Variants in GALNTL6 observed in about 807,000 individuals in gnomAD.
The protein encoded by GALNTL6 is polypeptide N-acetylgalactosaminyltransferase-like 6.
A neutral mutation model predicts 73.7 loss-of-function variants in GALNTL6; 46 were observed. The ratio of observed to expected loss-of-function variants is 0.62; its 90% CI spans 0.49 to 0.80. The LOEUF (loss-of-function observed/expected upper bound fraction) is 0.80. Among genes scored for constraint, GALNTL6 ranks in the 30% least tolerant of loss-of-function variants. GALNTL6 has a pLI of 0.00. For synonymous variants in GALNTL6, 259 were observed against 263.7 expected, an observed-to-expected ratio of 0.98 and a Z score of 0.17; for missense variants, 604 against 755.0, an observed-to-expected ratio of 0.80 and a Z score of 2.34.
chr4:172,684,053 G>A (rs192810264), intron 5 of GALNTL6, among the ~76,000 whole-genome samples: 2 of 152,114 alleles, frequency 1.3e-5, no homozygotes, highest in African/African-American at 2.4e-5. Context: ...AGGATAGATC[G>A]CTGTCCATTC....
At chr4:172,076,270 T>G (rs1185329704) in intron 2 of GALNTL6, among the ~76,000 whole-genome samples, 1 of 152,126 alleles carries the variant, frequency 6.6e-6, no homozygotes, top group African/African-American at 2.4e-5. Context: ...ATTCAGCATC[T>G]CTTTTCACAG....
At chr4:172,637,439 T>G (rs1190168254) in intron 5 of GALNTL6, among the ~76,000 whole-genome samples, 2 of 152,198 alleles carry the variant, frequency 1.3e-5, no homozygotes, top group African/African-American at 4.8e-5. Context: ...GAAATAAAAT[T>G]GATTTGTGAA....
chr4:172,237,793 A>G (rs866683339), intron 3 of GALNTL6, among the ~76,000 whole-genome samples: 55 of 152,136 alleles, frequency 3.6e-4, no homozygotes, highest in African/African-American at 1.3e-3. Context: ...TCTAGTTTCA[A>G]TCTTCTGTAT....
chr4:171,992,709 T>G (rs1740376101), intron 2 of GALNTL6, among the ~76,000 whole-genome samples: 1 of 152,074 alleles, frequency 6.6e-6, no homozygotes, highest in African/African-American at 2.4e-5. Flanking sequence ...TATCTCTTAT[T>G]CTAGAGAAAA....
At chr4:172,984,354 T>C (rs187155513) in intron 10 of GALNTL6, among the ~76,000 whole-genome samples, 37 of 152,272 alleles carry the variant, frequency 2.4e-4, no homozygotes, top group Non-Finnish European at 4.4e-4. Flanking sequence ...AAGCCCCTTA[T>C]AAAACCATCA....
chr4:172,719,481 TA>T (rs1219464345), intron 5 of GALNTL6, among the ~76,000 whole-genome samples: 2 of 151,200 alleles, frequency 1.3e-5, no homozygotes, highest in East Asian at 1.9e-4. Flanking sequence ...GACAAACATT[TA>T]AAAAAAAACA....
intron 5 of GALNTL6, among the ~76,000 whole-genome samples, chr4:172,739,958 C>T (rs1462141900): frequency 6.6e-6 from 1 of 151,566 alleles, no homozygotes; most frequent in Non-Finnish European, 1.5e-5. Flanking sequence ...AAAAAACTTA[C>T]AAGGATGGCT....
intron 8 of GALNTL6, among the ~76,000 whole-genome samples, chr4:172,895,021 T>C (rs1161598175): frequency 1.3e-5 from 2 of 151,828 alleles, no homozygotes; most frequent in Non-Finnish European, 2.9e-5. Flanking sequence ...TCTCTTTTTA[T>C]TTCTATTTGC....
At chr4:172,528,356 A>G (rs1579157053) in intron 5 of GALNTL6, among the ~76,000 whole-genome samples, 1 of 66,064 alleles carries the variant, frequency 1.5e-5, no homozygotes, top group African/African-American at 4.4e-5. Context: ...ATATATATAT[A>G]TATATATATG....
At chr4:172,711,837 G>A (rs904357329) in intron 5 of GALNTL6, among the ~76,000 whole-genome samples, 15 of 152,146 alleles carry the variant, frequency 9.9e-5, no homozygotes, top group Non-Finnish European at 4.4e-5. Context: ...ACCAAAGGAT[G>A]AGTGGAGAAG....
At chr4:172,936,092 T>C (rs1748603223) in intron 9 of GALNTL6, among the ~76,000 whole-genome samples, 1 of 152,206 alleles carries the variant, frequency 6.6e-6, no homozygotes, top group African/African-American at 2.4e-5. Context: ...CATGATCAAG[T>C]TGGCTTCATA....
At chr4:171,946,457 C>T (rs913527698) in intron 2 of GALNTL6, among the ~76,000 whole-genome samples, 1 of 152,120 alleles carries the variant, frequency 6.6e-6, no homozygotes, top group African/African-American at 2.4e-5. Flanking sequence ...CTTAACCAGC[C>T]AGTTCACATC....
chr4:172,674,253 T>C (rs1276340383), intron 5 of GALNTL6, among the ~76,000 whole-genome samples: 2 of 152,134 alleles, frequency 1.3e-5, no homozygotes, highest in African/African-American at 2.4e-5. Context: ...AAATTCTGGG[T>C]TGGAATTTCT....
chr4:172,174,357 A>T (rs1734926333), intron 2 of GALNTL6, among the ~76,000 whole-genome samples: 1 of 152,164 alleles, frequency 6.6e-6, no homozygotes, highest in South Asian at 2.1e-4. Context: ...TGCCTTAGTG[A>T]AGTATAGATC....
intron 2 of GALNTL6, among the ~76,000 whole-genome samples, chr4:171,871,619 T>C (rs1332972485): frequency 6.6e-6 from 1 of 152,150 alleles, no homozygotes; most frequent in Non-Finnish European, 1.5e-5. Context: ...AGCAAAAATG[T>C]ATAATGAATG....
intron 9 of GALNTL6, among the ~76,000 whole-genome samples, chr4:172,945,684 C>A (rs930319006): frequency 6.6e-6 from 1 of 152,170 alleles, no homozygotes; most frequent in Non-Finnish European, 1.5e-5. Context: ...CACCTACAAA[C>A]AGCTCACACA....
chr4:172,494,128 G>A (rs143652564), intron 5 of GALNTL6, among the ~76,000 whole-genome samples: 2 of 152,134 alleles, frequency 1.3e-5, no homozygotes, highest in East Asian at 3.9e-4. Flanking sequence ...CAACATAATT[G>A]TATTTGTATG....
rs536446454 is a variant in GALNTL6 at position 172,594,936 on chromosome 4, T to A, written c.554-214425T>A. 1.2e-3 allele frequency among the ~76,000 whole-genome samples: 177 copies of A among 152,262 alleles called. 1 individual carries two copies. Among genetic ancestry groups the A allele is most frequent in the Non-Finnish European group, 2.2e-3 (153 of 68,016 alleles). On this transcript the variant is annotated intron_variant, in intron 5 of 12. Coordinates refer to ENST00000506823, the MANE Select transcript of GALNTL6 (RefSeq NM_001034845.3). Reference sequence around the variant, plus strand: ...AAACAACAGAACTGTAGTTCTCACATTTTTAGAGGTTAAGAATAAGAGGTC... The same window carrying A: ...AAACAACAGAACTGTAGTTCTCACAATTTTAGAGGTTAAGAATAAGAGGTC...
At chr4:172,697,730 T>C (rs1305222770) in intron 5 of GALNTL6, among the ~76,000 whole-genome samples, 1 of 152,152 alleles carries the variant, frequency 6.6e-6, no homozygotes, top group Non-Finnish European at 1.5e-5. Flanking sequence ...CATGAGACAA[T>C]CATAAATATA....
Sources: gnomAD v4.1 joint callset for allele counts (sites outside exome capture counted in the v4.1 genomes callset) on GRCh38, gnomAD v4.1.1 for gene constraint, MANE v1.5 for transcripts, NCBI Gene and HGNC (gene_info 2026-07-23, HGNC 2026-07-21) for gene names.